Variants in NRXN3 observed in about 807,000 individuals in gnomAD.
NRXN3 encodes neurexin 3.
A neutral mutation model predicts 137.6 loss-of-function variants in NRXN3; 32 were observed. The observed-to-expected ratio is 0.23, with a 90% CI of 0.18 to 0.31. The LOEUF (loss-of-function observed/expected upper bound fraction) is 0.31. Among genes scored for constraint, NRXN3 ranks in the 10% least tolerant of loss-of-function variants. The probability of loss-of-function intolerance (pLI) is 1.00; values close to 1 mark genes in which losing one functional copy is unlikely to be tolerated. For missense variants in NRXN3, 1,574 were observed against 2,062.5 expected (o/e 0.76, Z 4.59); for synonymous variants, 798 against 784.5 (o/e 1.02, Z -0.29).
intron 4 of NRXN3, among the ~76,000 whole-genome samples, chr14:78,505,220 A>G (rs924997396): frequency 6.6e-6 from 1 of 152,088 alleles, no homozygotes; most frequent in Non-Finnish European, 1.5e-5. Context: ...TGGAAGAGAG[A>G]ATACAGCAAG....
chr14:78,727,733 T>C (rs924134001), intron 8 of NRXN3, among the ~76,000 whole-genome samples: 1 of 151,588 alleles, frequency 6.6e-6, no homozygotes, highest in African/African-American at 2.4e-5. Flanking sequence ...GAAAACTCCG[T>C]CTCAAAAAAA....
chr14:79,031,370 G>A (rs771264960), intron 15 of NRXN3, among the ~76,000 whole-genome samples: 2 of 152,042 alleles, frequency 1.3e-5, no homozygotes, highest in Non-Finnish European at 2.9e-5. Context: ...CACATTATTA[G>A]AATCAATTTG....
intron 15 of NRXN3, among the ~76,000 whole-genome samples, chr14:79,058,589 T>G (rs959321493): frequency 1.3e-5 from 2 of 152,148 alleles, no homozygotes; most frequent in Non-Finnish European, 2.9e-5. Context: ...GATTCTTTGA[T>G]TCTAGACATG....
intron 2 of NRXN3, among the ~76,000 whole-genome samples, chr14:78,248,038 C>T (rs1290831211): frequency 6.6e-6 from 1 of 152,130 alleles, no homozygotes; most frequent in Non-Finnish European, 1.5e-5. Context: ...TCACTCATGC[C>T]ATCACATTTT....
chr14:79,126,509 A>C (rs946601889), intron 15 of NRXN3, among the ~76,000 whole-genome samples: 4 of 152,166 alleles, frequency 2.6e-5, no homozygotes, highest in African/African-American at 7.2e-5. Flanking sequence ...TGAACTCATC[A>C]TTTTTTATGG....
intron 10 of NRXN3, among the ~76,000 whole-genome samples, chr14:78,856,792 G>A (rs930915610): frequency 1.3e-5 from 2 of 152,176 alleles, no homozygotes; most frequent in African/African-American, 4.8e-5. Context: ...GGAGTGCAAT[G>A]GTGTGATCTT....
intron 10 of NRXN3, among the ~76,000 whole-genome samples, chr14:78,863,600 C>A (rs1016633655): frequency 2.0e-5 from 3 of 152,024 alleles, no homozygotes; most frequent in African/African-American, 7.2e-5. Flanking sequence ...TACAGCCTTC[C>A]CAACAAGTGC....
At chr14:78,889,893 G>C (rs930792958) in intron 10 of NRXN3, among the ~76,000 whole-genome samples, 7 of 151,992 alleles carry the variant, frequency 4.6e-5, no homozygotes, top group Admixed American at 1.3e-4. Flanking sequence ...GATTGTACAG[G>C]TGGGCCCTAA....
At chr14:78,389,270 G>A (rs2153639249) in intron 4 of NRXN3, among the ~76,000 whole-genome samples, 1 of 152,126 alleles carries the variant, frequency 6.6e-6, no homozygotes, top group African/African-American at 2.4e-5. Context: ...TGGCCAGGCT[G>A]GTCTTGAACT....
chr14:78,364,033 G>A (rs904635006), intron 4 of NRXN3, among the ~76,000 whole-genome samples: 3 of 152,160 alleles, frequency 2.0e-5, no homozygotes, highest in Admixed American at 6.5e-5. Context: ...TAGTCAGGTC[G>A]CACCTGGATA....
chr14:78,863,196 A>C (rs1000044338), intron 10 of NRXN3, among the ~76,000 whole-genome samples: 3 of 152,160 alleles, frequency 2.0e-5, no homozygotes, highest in Non-Finnish European at 4.4e-5. Flanking sequence ...AAGAAAATCA[A>C]CTGATTTACT....
intron 5 of NRXN3, chr14:78,649,333 C>T: frequency 1.5e-6 from 2 of 1,305,418 alleles, no homozygotes; most frequent in Non-Finnish European, 2.0e-6. Context: ...TTCTTATTGT[C>T]TCTTTTTTTG....
intron 4 of NRXN3, among the ~76,000 whole-genome samples, chr14:78,471,187 T>C (rs1420238471): frequency 1.3e-5 from 2 of 152,132 alleles, no homozygotes; most frequent in Non-Finnish European, 2.9e-5. Flanking sequence ...AACAAGCTTA[T>C]TGAAAGAGCT....
intron 10 of NRXN3, among the ~76,000 whole-genome samples, chr14:78,954,115 T>C (rs1474913652): frequency 6.6e-6 from 1 of 152,174 alleles, no homozygotes; most frequent in African/African-American, 2.4e-5. Context: ...GCATCTTGCA[T>C]TACTTATCAA....
chr14:78,933,395 A>G (rs1221872741), intron 10 of NRXN3, among the ~76,000 whole-genome samples: 1 of 152,250 alleles, frequency 6.6e-6, no homozygotes, highest in Non-Finnish European at 1.5e-5. Flanking sequence ...TATTTCAGTA[A>G]GCACAGTATA....
At chr14:78,570,820 A>G (rs947636988) in intron 4 of NRXN3, among the ~76,000 whole-genome samples, 1 of 152,168 alleles carries the variant, frequency 6.6e-6, no homozygotes, top group Admixed American at 6.5e-5. Flanking sequence ...CCCTTTCTGC[A>G]TTTGGAAGTT....
chr14:79,525,650 C>T (rs1002600154), intron 16 of NRXN3, among the ~76,000 whole-genome samples: 9 of 152,240 alleles, frequency 5.9e-5, no homozygotes, highest in African/African-American at 7.2e-5. Context: ...GTTTTCATTG[C>T]GTGGTATTCA....
chr14:78,714,883 C>G lies in NRXN3; in HGVS notation c.1788C>G (p.Thr596=), dbSNP rs1004212. ...PENRAGLILP[T]ELWTAMLNYG... ...ACCGTGCTGGCCTTATTCTCCCCAC[C>G]GAGCTGTGGACTGCCATGCTCAACT... The change falls in exon 8 of 21, where the codon ACC becomes ACG. Residue 596 remains threonine, a synonymous_variant. Transcript: ENST00000335750. 2 of 1,614,014 alleles carry G rather than the reference C, an allele frequency of 1.2e-6. No individual in the cohort carries two copies. Among genetic ancestry groups the G allele is most frequent in the Admixed American group, 3.3e-5 (2 of 60,014 alleles).
chr14:78,912,070 TG>T (rs2152786194), intron 10 of NRXN3, among the ~76,000 whole-genome samples: 2 of 151,370 alleles, frequency 1.3e-5, no homozygotes, highest in South Asian at 2.1e-4. Flanking sequence ...TCCCTCCCCC[TG>T]CCCCCCATCC....
Sources: gnomAD v4.1 joint callset for allele counts (sites outside exome capture counted in the v4.1 genomes callset) on GRCh38, gnomAD v4.1.1 for gene constraint, MANE v1.5 for transcripts, NCBI Gene and HGNC (gene_info 2026-07-23, HGNC 2026-07-21) for gene names.